Variants in ZFHX3 observed in about 807,000 individuals in gnomAD.
ZFHX3 encodes the protein zinc finger homeobox protein 3.
A neutral mutation model predicts 279.1 loss-of-function variants in ZFHX3; 42 were observed. That is an observed-to-expected ratio of 0.15 (90% CI 0.12 to 0.19). ZFHX3 has a LOEUF of 0.19. Among genes scored for constraint, ZFHX3 ranks in the 10% least tolerant of loss-of-function variants. ZFHX3 has a pLI of 1.00. For synonymous variants in ZFHX3, 2,293 were observed against 1,957.8 expected (o/e 1.17, Z -4.52); for missense variants, 4,981 against 4,754.0 (o/e 1.05, Z -1.40).
chr16:73,545,956 G>A (rs1387477253), intron 2 of ZFHX3, among the ~76,000 whole-genome samples: 1 of 152,022 alleles, frequency 6.6e-6, no homozygotes, highest in Non-Finnish European at 1.5e-5. Flanking sequence ...AAACAATGAC[G>A]GCTTCCTATT....
intron 5 of ZFHX3, among the ~76,000 whole-genome samples, chr16:73,171,849 T>C (rs906466941): frequency 6.6e-6 from 1 of 152,154 alleles, no homozygotes; most frequent in Non-Finnish European, 1.5e-5. Flanking sequence ...AATGCCCTCC[T>C]CAACTGTTCC....
At chr16:72,909,478 C>T (rs1393453181) in intron 3 of ZFHX3, among the ~76,000 whole-genome samples, 2 of 152,170 alleles carry the variant, frequency 1.3e-5, no homozygotes, top group East Asian at 3.8e-4. Context: ...AGAAAAATCA[C>T]GCGCCTGCTC....
At chr16:73,009,266 G>A (rs565124136) in intron 1 of ZFHX3, among the ~76,000 whole-genome samples, 11 of 151,382 alleles carry the variant, frequency 7.3e-5, no homozygotes, top group African/African-American at 2.4e-4. Flanking sequence ...TCCAATTTAC[G>A]TTGAAGAAAT....
intron 3 of ZFHX3, among the ~76,000 whole-genome samples, chr16:73,390,261 G>A (rs897289447): frequency 1.3e-5 from 2 of 152,034 alleles, no homozygotes; most frequent in East Asian, 3.9e-4. Context: ...AAAGCCATGA[G>A]TACTGTGAAG....
chr16:73,662,732 A>T (rs1162028433), intron 2 of ZFHX3, among the ~76,000 whole-genome samples: 1 of 152,210 alleles, frequency 6.6e-6, no homozygotes, highest in East Asian at 1.9e-4. Context: ...TTCGCCTGCA[A>T]TTCAAGGCGA....
chr16:73,729,566 A>C (rs937426422), intron 1 of ZFHX3, among the ~76,000 whole-genome samples: 7 of 152,090 alleles, frequency 4.6e-5, no homozygotes, highest in Non-Finnish European at 7.4e-5. Context: ...AAAAAAAAAA[A>C]AAAAACCTGG....
At chr16:73,556,613 T>C (rs1160565671) in intron 2 of ZFHX3, among the ~76,000 whole-genome samples, 2 of 151,462 alleles carry the variant, frequency 1.3e-5, no homozygotes, top group African/African-American at 2.4e-5. Flanking sequence ...CAGGGAAGCA[T>C]GGGGAGGGTT....
chr16:73,317,696 C>T (rs532363854), intron 4 of ZFHX3, among the ~76,000 whole-genome samples: 3 of 152,246 alleles, frequency 2.0e-5, no homozygotes, highest in Admixed American at 2.0e-4. Flanking sequence ...CCTAAGGAGA[C>T]CCACTCATGC....
At chr16:72,945,867 C>T (rs1960644700) in intron 3 of ZFHX3, among the ~76,000 whole-genome samples, 1 of 152,042 alleles carries the variant, frequency 6.6e-6, no homozygotes, top group Non-Finnish European at 1.5e-5. Context: ...CCTCCAGGCA[C>T]CACCTACGGA....
At chr16:73,337,919 T>C (rs1023825925) in intron 3 of ZFHX3, among the ~76,000 whole-genome samples, 1 of 145,168 alleles carries the variant, frequency 6.9e-6, no homozygotes, top group Non-Finnish European at 1.6e-5. Flanking sequence ...ATCCCCTTTT[T>C]ATGCCCATCC....
At chr16:73,135,293 G>A (rs142918007) in intron 6 of ZFHX3, among the ~76,000 whole-genome samples, 2 of 152,076 alleles carry the variant, frequency 1.3e-5, no homozygotes, top group Non-Finnish European at 1.5e-5. Context: ...AGTACACACC[G>A]AGTTCATTCA....
intron 2 of ZFHX3, among the ~76,000 whole-genome samples, chr16:73,629,806 T>C (rs2052451332): frequency 6.6e-6 from 1 of 152,056 alleles, no homozygotes; most frequent in Non-Finnish European, 1.5e-5. Flanking sequence ...GTTAAAAATA[T>C]GATTGGGATA....
chr16:73,542,982 G>A (rs2020044978), intron 2 of ZFHX3, among the ~76,000 whole-genome samples: 1 of 151,368 alleles, frequency 6.6e-6, no homozygotes, highest in Non-Finnish European at 1.5e-5. Flanking sequence ...CTGAAGAGAA[G>A]ATCAGATGAG....
chr16:72,834,072 C>T (rs2037127686), intron 4 of ZFHX3, among the ~76,000 whole-genome samples: 1 of 152,142 alleles, frequency 6.6e-6, no homozygotes, highest in Non-Finnish European at 1.5e-5. Flanking sequence ...GAGAGTGAGA[C>T]TCCATCTCTA....
chr16:73,781,586 T>C (rs966573958), intron 1 of ZFHX3, among the ~76,000 whole-genome samples: 1 of 152,218 alleles, frequency 6.6e-6, no homozygotes, highest in Non-Finnish European at 1.5e-5. Flanking sequence ...TAAAAATATT[T>C]ACTACTGGGT....
intron 3 of ZFHX3, among the ~76,000 whole-genome samples, chr16:73,334,212 C>T (rs2015863408): frequency 6.6e-6 from 1 of 152,124 alleles, no homozygotes; most frequent in African/African-American, 2.4e-5. Flanking sequence ...GGAGGGTCAC[C>T]AGCTTCATCG....
intron 7 of ZFHX3, among the ~76,000 whole-genome samples, chr16:72,809,140 A>G (rs1343341358): frequency 6.6e-6 from 1 of 152,252 alleles, no homozygotes; most frequent in Non-Finnish European, 1.5e-5. Context: ...CAAACAATGA[A>G]TATTTGAAAT....
intron 3 of ZFHX3, among the ~76,000 whole-genome samples, chr16:73,396,447 A>C (rs535275920): frequency 2.0e-5 from 3 of 152,212 alleles, no homozygotes; most frequent in African/African-American, 7.2e-5. Context: ...TCATTCATTC[A>C]ACACATACTA....
chr16:73,361,643 A>G (rs369566810), intron 3 of ZFHX3, among the ~76,000 whole-genome samples: 1 of 152,180 alleles, frequency 6.6e-6, no homozygotes, highest in Non-Finnish European at 1.5e-5. Flanking sequence ...TCCATCCCCA[A>G]TCTTGGTCTC....
Sources: gnomAD v4.1 joint callset for allele counts (sites outside exome capture counted in the v4.1 genomes callset) on GRCh38, gnomAD v4.1.1 for gene constraint, MANE v1.5 for transcripts, NCBI Gene and HGNC (gene_info 2026-07-23, HGNC 2026-07-21) for gene names.